LIMA1: variants seen among roughly 807,000 people sequenced by gnomAD.
LIMA1 encodes the protein LIM domain and actin-binding protein 1.
LIMA1 carries 52 observed loss-of-function variants against 62.6 expected under a neutral mutation model. The observed-to-expected ratio is 0.83, with a 90% CI of 0.67 to 1.05. LIMA1 has a LOEUF of 1.05. Ranked by LOEUF, LIMA1 falls within the 50% of genes least tolerant of loss-of-function variation. The pLI, the probability that LIMA1 is intolerant of heterozygous loss-of-function variation, is 0.00. For missense variants in LIMA1, 780 were observed against 902.2 expected, an observed-to-expected ratio of 0.86 and a Z score of 1.74; for synonymous variants, 302 against 317.8, an observed-to-expected ratio of 0.95 and a Z score of 0.53.
intron 10 of LIMA1, among the ~76,000 whole-genome samples, chr12:50,178,968 T>TA (rs1565825169): frequency 4.1e-3 from 379 of 92,794 alleles, no homozygotes; most frequent in African/African-American, 0.014. Flanking sequence ...ATATATATAT[T>TA]TTTTTTTTCT....
intron 7 of LIMA1, among the ~76,000 whole-genome samples, chr12:50,196,900 C>T (rs1459651243): frequency 6.6e-6 from 1 of 152,150 alleles, no homozygotes; most frequent in African/African-American, 2.4e-5. Flanking sequence ...AGGTATTCAA[C>T]TAATCGCCTT....
intron 4 of LIMA1, among the ~76,000 whole-genome samples, chr12:50,217,497 T>C (rs931455319): frequency 7.2e-5 from 11 of 151,992 alleles, no homozygotes; most frequent in African/African-American, 2.4e-4. Context: ...TAAAATCTTT[T>C]TTTTTTTTTT....
intron 10 of LIMA1, among the ~76,000 whole-genome samples, chr12:50,178,964 ATAT>A (rs1940421355): frequency 1.1e-5 from 1 of 92,198 alleles, no homozygotes; most frequent in Non-Finnish European, 2.2e-5. Context: ...ATATATATAT[ATAT>A]TTTTTTTTTC....
At chr12:50,271,479 T>C (rs747394024) in intron 1 of LIMA1, among the ~76,000 whole-genome samples, 4 of 152,180 alleles carry the variant, frequency 2.6e-5, no homozygotes, top group Non-Finnish European at 5.9e-5. Context: ...TAACTTATTC[T>C]AAGGGCAAAC....
At chr12:50,267,870 G>C (rs150776817) in intron 1 of LIMA1, among the ~76,000 whole-genome samples, 3,497 of 152,006 alleles carry the variant, frequency 0.023, 129 homozygotes, top group African/African-American at 0.08. Context: ...TGCCCAGGCT[G>C]GCCTCAAACT....
intron 1 of LIMA1, among the ~76,000 whole-genome samples, chr12:50,280,726 A>G (rs938315860): frequency 1.3e-5 from 2 of 152,150 alleles, no homozygotes; most frequent in Non-Finnish European, 1.5e-5. Flanking sequence ...GTATGGTCCT[A>G]CCTTATCATC....
intron 1 of LIMA1, among the ~76,000 whole-genome samples, chr12:50,250,523 G>A (rs890808853): frequency 4.5e-5 from 6 of 131,996 alleles, no homozygotes; most frequent in East Asian, 4.4e-4. Flanking sequence ...TATGAATTGC[G>A]CCACTGGACT....
At chr12:50,179,355 T>C (rs1940436250) in intron 10 of LIMA1, among the ~76,000 whole-genome samples, 1 of 152,002 alleles carries the variant, frequency 6.6e-6, no homozygotes, top group Non-Finnish European at 1.5e-5. Context: ...TTGGCCAGGA[T>C]AGTCTCGATC....
rs748222491 is a variant in LIMA1, at chr12:50,248,745, A to G, written c.7T>C (p.Ser3Pro). 8 of 1,578,000 alleles carry G rather than the reference A, an allele frequency of 5.1e-6. No individual in the cohort carries two copies. Among genetic ancestry groups the G allele is most frequent in the Non-Finnish European group, 7.0e-6 (8 of 1,147,140 alleles). The change falls in exon 2 of 11, where the codon TCA becomes CCA. Residue 3 changes from serine (S) to proline (P), a missense_variant. Ser to Pro is a moderately conservative substitution (Grantham distance 74). Transcript: ENST00000341247. ME[S>P]SPFNRRQWTS... Reference sequence around the variant, plus strand: ...CATTGCCGTCTATTAAATGGAGATGATTCCATCTTGTCTACAGACACTGAA... The same window carrying G: ...CATTGCCGTCTATTAAATGGAGATGGTTCCATCTTGTCTACAGACACTGAA...
chr12:50,226,656 T>C (rs978574827), intron 3 of LIMA1, among the ~76,000 whole-genome samples: 49 of 152,074 alleles, frequency 3.2e-4, no homozygotes, highest in Non-Finnish European at 5.4e-4. Context: ...CTGGCCAACA[T>C]GGTGAAACCC....
At chr12:50,237,391 C>G (rs1358361879) in intron 2 of LIMA1, among the ~76,000 whole-genome samples, 1 of 152,210 alleles carries the variant, frequency 6.6e-6, no homozygotes, top group Non-Finnish European at 1.5e-5. Flanking sequence ...AATCCCAGCA[C>G]TTTGGGAGGC....
intron 2 of LIMA1, among the ~76,000 whole-genome samples, chr12:50,239,747 GC>G (rs1414962483): frequency 1.3e-5 from 2 of 152,148 alleles, no homozygotes; most frequent in Admixed American, 6.5e-5. Flanking sequence ...TGTGATCCCA[GC>G]ACTTTGGGAG....
chr12:50,215,964 G>A (rs2138531308), intron 4 of LIMA1, among the ~76,000 whole-genome samples: 1 of 151,872 alleles, frequency 6.6e-6, no homozygotes, highest in South Asian at 2.1e-4. Flanking sequence ...GCAGAGAATT[G>A]CTTGAACCTG....
intron 1 of LIMA1, chr12:50,249,698 G>A (rs1288854504): frequency 1.3e-5 from 2 of 152,098 alleles, no homozygotes; most frequent in East Asian, 1.9e-4. Flanking sequence ...TCCAGAAGAC[G>A]AGAGATTAGA....
intron 4 of LIMA1, among the ~76,000 whole-genome samples, chr12:50,209,626 T>C (rs932385153): frequency 1.4e-5 from 2 of 147,702 alleles, no homozygotes; most frequent in Non-Finnish European, 1.5e-5. Flanking sequence ...AAGGAAAAGA[T>C]ATGTCTGGCA....
chr12:50,225,766 G>T (rs1941518253), intron 3 of LIMA1, among the ~76,000 whole-genome samples: 1 of 152,006 alleles, frequency 6.6e-6, no homozygotes, highest in African/African-American at 2.4e-5. Context: ...TGGCCAGGCT[G>T]GTCCTGACCT....
intron 2 of LIMA1, among the ~76,000 whole-genome samples, chr12:50,246,201 C>T (rs1418929474): frequency 1.4e-5 from 2 of 141,648 alleles, no homozygotes; most frequent in African/African-American, 5.3e-5. Flanking sequence ...TATTGCACTC[C>T]AGTCTGGGTG....
At chr12:50,199,770 CTTAAA>C (rs1241864631) in intron 7 of LIMA1, among the ~76,000 whole-genome samples, 1 of 152,144 alleles carries the variant, frequency 6.6e-6, no homozygotes, top group Admixed American at 6.6e-5. Context: ...TAAATGTATA[CTTAAA>C]TTAAGAATAT....
intron 7 of LIMA1, among the ~76,000 whole-genome samples, chr12:50,199,224 G>A (rs1186149198): frequency 3.9e-5 from 6 of 152,154 alleles, no homozygotes; most frequent in Admixed American, 3.9e-4. Context: ...ACAGTTACTT[G>A]GGAGGCTGCG....
Sources: gnomAD v4.1 joint callset for allele counts (sites outside exome capture counted in the v4.1 genomes callset) on GRCh38, gnomAD v4.1.1 for gene constraint, MANE v1.5 for transcripts, NCBI Gene and HGNC (gene_info 2026-07-23, HGNC 2026-07-21) for gene names.